The following LDLRAD4 variants were observed in gnomAD, a reference collection of about 807,000 sequenced individuals.
The protein encoded by LDLRAD4 is low-density lipoprotein receptor class A domain-containing protein 4.
LDLRAD4 carries 5 observed loss-of-function variants against 17.0 expected under a neutral mutation model. That is an observed-to-expected ratio of 0.29 (90% CI 0.15 to 0.62). The LOEUF (loss-of-function observed/expected upper bound fraction) is 0.62. LDLRAD4 is among the 20% of genes least tolerant of loss of function. LDLRAD4 has a pLI of 0.84. For synonymous variants in LDLRAD4, 168 were observed against 171.8 expected (o/e 0.98, Z 0.17); for missense variants, 340 against 424.7 (o/e 0.80, Z 1.75).
chr18:13,621,206 G>A lies in LDLRAD4; in HGVS notation c.271G>A (p.Val91Ile). ...CGTCTGCCTGCTGAACCACTACAAA[G>A]TCTCCACGCGGTCCTTCATCAACCG... Residue 91 changes from valine to isoleucine, a missense_variant, in exon 4 of 6, where the codon GTC becomes ATC. Physicochemically the swap from Val to Ile is conservative, Grantham distance 29 (BLOSUM62 3). Coordinates refer to ENST00000359446, the Ensembl canonical transcript of LDLRAD4. The surrounding 1 kb of genome is among the most constrained non-coding windows in gnomAD (Gnocchi z 5.5). 1 of 1,614,130 alleles carries A rather than the reference G, an allele frequency of 6.2e-7. No individual in the cohort carries two copies. The highest frequency in any genetic ancestry group is 8.5e-7 in the Non-Finnish European group (1 of 1,180,046).
chr18:13,431,433 C>A (rs1368756288), intron 2 of LDLRAD4, among the ~76,000 whole-genome samples: 2 of 152,216 alleles, frequency 1.3e-5, no homozygotes, highest in East Asian at 3.8e-4. Flanking sequence ...GTTATCCACC[C>A]TTTCAAGCCC....
chr18:13,292,465 C>T (rs184370912), intron 1 of LDLRAD4, among the ~76,000 whole-genome samples: 4 of 152,336 alleles, frequency 2.6e-5, no homozygotes, highest in Admixed American at 6.5e-5. Context: ...TTCTCCCATC[C>T]GTAGGCTGTG....
chr18:13,248,178 T>G (rs556236502), intron 1 of LDLRAD4, among the ~76,000 whole-genome samples: 1 of 152,230 alleles, frequency 6.6e-6, no homozygotes, highest in African/African-American at 2.4e-5. Flanking sequence ...GGTCAGGCTG[T>G]TCTCAAACTC....
intron 3 of LDLRAD4, among the ~76,000 whole-genome samples, chr18:13,567,432 G>A (rs2148297042): frequency 6.6e-6 from 1 of 152,344 alleles, no homozygotes; most frequent in African/African-American, 2.4e-5. Flanking sequence ...GGGCCTGCCT[G>A]CAAACGCACT....
intron 1 of LDLRAD4, among the ~76,000 whole-genome samples, chr18:13,281,082 C>T (rs1386818818): frequency 1.3e-5 from 2 of 152,078 alleles, no homozygotes; most frequent in East Asian, 1.9e-4. Flanking sequence ...CGGCACCGTG[C>T]AATAAAACAG....
At chr18:13,399,631 A>G (rs12971100) in intron 2 of LDLRAD4, among the ~76,000 whole-genome samples, 32,894 of 152,194 alleles carry the variant, frequency 0.22, 3,851 homozygotes, top group East Asian at 0.43. Flanking sequence ...CCAGCTCGCT[A>G]TCTGCAGAGC....
intron 1 of LDLRAD4, among the ~76,000 whole-genome samples, chr18:13,250,779 T>C (rs1379638768): frequency 1.3e-5 from 2 of 152,236 alleles, no homozygotes; most frequent in East Asian, 1.9e-4. Context: ...GATGGCTTCA[T>C]TGCTGAATTC....
At chr18:13,445,320 T>C (rs562890249) in intron 3 of LDLRAD4, among the ~76,000 whole-genome samples, 1 of 152,176 alleles carries the variant, frequency 6.6e-6, no homozygotes, top group Admixed American at 6.5e-5. Flanking sequence ...CACAAGTATG[T>C]GTGAGAATGT....
chr18:13,368,341 G>A (rs768370938), intron 1 of LDLRAD4, among the ~76,000 whole-genome samples: 3 of 152,140 alleles, frequency 2.0e-5, no homozygotes, highest in Non-Finnish European at 2.9e-5. Flanking sequence ...ACGGGGGCCT[G>A]GGTGTCTGAA....
At chr18:13,323,097 G>T (rs919830257) in intron 1 of LDLRAD4, among the ~76,000 whole-genome samples, 2 of 152,200 alleles carry the variant, frequency 1.3e-5, no homozygotes, top group Non-Finnish European at 2.9e-5. Context: ...AGAAGCAGGT[G>T]GGAAGAGGAG....
chr18:13,352,197 C>T (rs774795562), intron 1 of LDLRAD4, among the ~76,000 whole-genome samples: 2 of 152,158 alleles, frequency 1.3e-5, no homozygotes, highest in Non-Finnish European at 2.9e-5. Context: ...CCTTTGAAAA[C>T]CAGCACAAGA....
In LDLRAD4 at chr18:13,460,011, C is replaced by T. The variant is rs867733276; in HGVS notation, c.181+21627C>T. 5.2e-5 allele frequency: 8 copies of T among 154,112 alleles called. No individual in the cohort carries two copies. The Middle Eastern group carries it at 4.2e-3, about 81-fold the overall frequency. 9.5% of individuals were successfully genotyped at this position (154,112 alleles called of 1,614,324 possible). ...TCCACAGCCAGTGACTGAGCTGGAG[C>T]CAGGGCCACTGCCCCCACGTCGTCA... On this transcript the variant is annotated intron_variant, in intron 3 of 5. Coordinates refer to ENST00000359446, the Ensembl canonical transcript of LDLRAD4.
At chr18:13,233,179 T>C (rs1182564433) in intron 1 of LDLRAD4, among the ~76,000 whole-genome samples, 3 of 152,252 alleles carry the variant, frequency 2.0e-5, no homozygotes, top group Admixed American at 2.0e-4. Flanking sequence ...CGAAGTGCTC[T>C]TGGGTCTGCT....
At chr18:13,269,863 T>C (rs561509248) in intron 1 of LDLRAD4, among the ~76,000 whole-genome samples, 1 of 152,356 alleles carries the variant, frequency 6.6e-6, no homozygotes, top group East Asian at 1.9e-4. Flanking sequence ...CATCCTCCCA[T>C]GTGGCCCTGT....
At chr18:13,608,479 C>A (rs1335364769) in intron 3 of LDLRAD4, among the ~76,000 whole-genome samples, 1 of 152,150 alleles carries the variant, frequency 6.6e-6, no homozygotes, top group Non-Finnish European at 1.5e-5. Flanking sequence ...CCTCCCTTTA[C>A]CACTCAGAAA....
intron 2 of LDLRAD4, among the ~76,000 whole-genome samples, chr18:13,388,828 G>A (rs762441627): frequency 1.3e-5 from 2 of 152,248 alleles, no homozygotes; most frequent in Non-Finnish European, 1.5e-5. Flanking sequence ...GGCCGCTTCC[G>A]TGCGCACCTG....
chr18:13,608,145 C>A (rs2095242526), intron 3 of LDLRAD4, among the ~76,000 whole-genome samples: 1 of 95,748 alleles, frequency 1.0e-5, no homozygotes, highest in South Asian at 4.7e-4. Flanking sequence ...ATTTATGCAG[C>A]CAACAAACAT....
chr18:13,554,939 C>T (rs369039978), intron 3 of LDLRAD4, among the ~76,000 whole-genome samples: 58 of 152,304 alleles, frequency 3.8e-4, no homozygotes, highest in African/African-American at 1.2e-3. Context: ...CCAACACTGA[C>T]GTTGGCGTTA....
Position 13,266,884 on chromosome 18 carries a change from TACTA to T in LDLRAD4, c.-466-11219_-466-11216del, listed in dbSNP as rs753014996. On this transcript the variant is annotated intron_variant, in intron 1 of 5. Transcript: ENST00000399848. ...TGAACAGAATTCTGAGTAAGAGTAA[TACTA>T]AGAGTTACAATTTTATGTTCCAGTG... is the stretch of plus-strand genomic sequence containing the variant. Among the ~76,000 whole-genome samples, 17 of 152,394 alleles carry T rather than the reference TACTA, an allele frequency of 1.1e-4. 1 individual carries two copies. The South Asian group carries it at 1.7e-3, about 15-fold the overall frequency.
Sources: allele counts gnomAD v4.1 joint callset (sites outside exome capture counted in the v4.1 genomes callset), GRCh38; gene constraint gnomAD v4.1.1; non-coding constraint Gnocchi (gnomAD v3.1); transcripts MANE v1.5; gene names NCBI Gene and HGNC (gene_info 2026-07-23, HGNC 2026-07-21).